The following LANCL1 variants were observed in gnomAD, a reference collection of about 807,000 sequenced individuals.
The protein encoded by LANCL1 is LanC like glutathione S-transferase 1.
A neutral mutation model predicts 50.6 loss-of-function variants in LANCL1; 50 were observed. The ratio of observed to expected loss-of-function variants is 0.99; its 90% confidence interval spans 0.79 to 1.25. The LOEUF is 1.25. LANCL1 is among the 50% of genes most tolerant of loss of function. The pLI, the probability that LANCL1 is intolerant of heterozygous loss-of-function variation, is 0.00. For missense variants in LANCL1, 532 were observed against 480.7 expected (o/e 1.11, Z -1.00); for synonymous variants, 188 against 178.6 (o/e 1.05, Z -0.42).
At chr2:210,473,152 G>A (rs1324722213) in intron 2 of LANCL1, among the ~76,000 whole-genome samples, 3 of 152,162 alleles carry the variant, frequency 2.0e-5, no homozygotes, top group Non-Finnish European at 4.4e-5. Context: ...GAGGTGGGCG[G>A]ATAACCTGAG....
At chr2:210,446,363 A>G (rs1359487481) in intron 4 of LANCL1, among the ~76,000 whole-genome samples, 1 of 152,208 alleles carries the variant, frequency 6.6e-6, no homozygotes, top group Non-Finnish European at 1.5e-5. Context: ...CACCAACGTC[A>G]AAGACCAAAG....
intron 4 of LANCL1, among the ~76,000 whole-genome samples, chr2:210,442,232 G>A (rs1693162694): frequency 1.3e-5 from 2 of 152,056 alleles, no homozygotes; most frequent in South Asian, 4.1e-4. Flanking sequence ...TAGTACAAGA[G>A]GTGTCAGTCA....
intron 4 of LANCL1, among the ~76,000 whole-genome samples, chr2:210,448,906 A>C (rs1693429147): frequency 6.6e-6 from 1 of 152,214 alleles, no homozygotes; most frequent in Non-Finnish European, 1.5e-5. Context: ...ACAGATTCAC[A>C]GCCGAATTCT....
intron 3 of LANCL1, chr2:210,468,076 G>A (rs900830425): frequency 5.3e-5 from 8 of 151,898 alleles, no homozygotes; most frequent in Non-Finnish European, 8.8e-5. Context: ...AGAATCAATC[G>A]CTAGTCCCTT....
intron 2 of LANCL1, among the ~76,000 whole-genome samples, chr2:210,473,512 T>C (rs367888490): frequency 1.4e-3 from 208 of 152,262 alleles, no homozygotes; most frequent in South Asian, 6.2e-3. Flanking sequence ...TGGGGGAAAG[T>C]TACAAGGGTA....
chr2:210,463,279 T>C (rs187070109), intron 3 of LANCL1, among the ~76,000 whole-genome samples: 77 of 152,236 alleles, frequency 5.1e-4, no homozygotes, highest in African/African-American at 1.6e-3. Flanking sequence ...GGCACGATTT[T>C]GGCTCACTGC....
intron 3 of LANCL1, among the ~76,000 whole-genome samples, chr2:210,459,744 A>ACAAACAAG (rs1693788727): frequency 6.6e-6 from 1 of 150,388 alleles, no homozygotes; most frequent in Admixed American, 6.6e-5. Flanking sequence ...TTAAAAACAA[A>ACAAACAAG]CAAACAAACA....
chr2:210,458,011 T>A (rs139603107), intron 3 of LANCL1, among the ~76,000 whole-genome samples: 1 of 152,142 alleles, frequency 6.6e-6, no homozygotes, highest in African/African-American at 2.4e-5. Context: ...TTGGAAAATG[T>A]TCTTGAAGGG....
upstream of LANCL1, among the ~76,000 whole-genome samples, chr2:210,477,228 T>G (rs1055845943): frequency 8.5e-5 from 13 of 152,078 alleles, no homozygotes; most frequent in Non-Finnish European, 1.5e-4. Context: ...GGATATCAAA[T>G]AGCAGTTGAT....
chr2:210,451,017 G>A (rs1693495009), intron 4 of LANCL1, among the ~76,000 whole-genome samples: 1 of 152,138 alleles, frequency 6.6e-6, no homozygotes, highest in African/African-American at 2.4e-5. Flanking sequence ...CTACTACAAA[G>A]ACAAATGCAC....
chr2:210,465,129 C>A (rs10195425), intron 3 of LANCL1, among the ~76,000 whole-genome samples: 19,947 of 152,202 alleles, frequency 0.13, 1,674 homozygotes, highest in African/African-American at 0.22. Flanking sequence ...CCTCCTGTTG[C>A]TGATGTGAAA....
chr2:210,445,817 G>C (rs1178541335), intron 4 of LANCL1, among the ~76,000 whole-genome samples: 1 of 152,220 alleles, frequency 6.6e-6, no homozygotes, highest in Admixed American at 6.5e-5. Context: ...AAACAGGATA[G>C]TTCTGTTCCT....
chr2:210,446,485 A>G (rs949285014), intron 4 of LANCL1, among the ~76,000 whole-genome samples: 6 of 152,122 alleles, frequency 3.9e-5, no homozygotes, highest in African/African-American at 1.4e-4. Flanking sequence ...GCAAGGGAAC[A>G]AAACTGGGTG....
intron 8 of LANCL1, 73 bp from the exon 9 acceptor site, chr2:210,435,532 TA>T: frequency 9.0e-7 from 1 of 1,107,888 alleles, no homozygotes; most frequent in South Asian, 1.2e-5. Flanking sequence ...AGAGGTTGTC[TA>T]TACAAATTAC....
rs1455121745 is a variant in LANCL1 at position 210,466,753 on chromosome 2, A to C, written c.199+5206T>G. ...GCATATGTGACCCTTTCACGGAACA[A>C]ACCAGATAGAGAGAACATCATGAAA... On this transcript the variant is annotated intron_variant, in intron 3 of 9. Coordinates refer to ENST00000450366, the MANE Select transcript of LANCL1 (RefSeq NM_006055.3). Among the ~76,000 whole-genome samples the C allele has an allele frequency of 3.3e-5, 5 of 152,220 alleles. 1 individual carries two copies. Among genetic ancestry groups the C allele is most frequent in the Non-Finnish European group, 5.9e-5 (4 of 68,036 alleles).
chr2:210,440,670 C>T lies in LANCL1; in HGVS notation c.618G>A (p.Met206Ile), dbSNP rs748813502. The T allele has an allele frequency of 1.2e-6, 2 of 1,613,882 alleles. No homozygotes were observed. The highest frequency in any genetic ancestry group is 1.7e-6 in the Non-Finnish European group (2 of 1,179,894). Reference protein sequence around the residue: ...KRNFTAKSPLMYEWYQEYYVG... With the variant: ...KRNFTAKSPLIYEWYQEYYVG... ...CATAATATTCCTGGTACCATTCATACATCAGTGGAGACTTTGCCGTGAAGT... is the reference window on the plus strand; with the variant it reads ...CATAATATTCCTGGTACCATTCATATATCAGTGGAGACTTTGCCGTGAAGT... The change falls in exon 6 of 10, where the codon ATG becomes ATA. Residue 206 changes from methionine to isoleucine, a missense_variant. By Grantham distance (10) the Met-to-Ile change is conservative. Transcript: ENST00000450366.
In LANCL1 at chr2:210,432,372, T is replaced by TG. The variant is rs1465855959; in HGVS notation, c.*2114dup. 2.6e-5 allele frequency: 4 copies of TG among 152,188 alleles called. No individual in the cohort carries two copies. Among genetic ancestry groups the TG allele is most frequent in the African/African-American group, 9.6e-5 (4 of 41,464 alleles). The allele number at this position is 152,188 out of a possible 1,614,324, so 9.4% of individuals were successfully genotyped here. The stretch of plus-strand genomic sequence containing the variant: ...ATGACAGTAGCTAACCCATTTATGC[T>TG]GGGGGTTGCAATTTTTTGTGTGAAA... On this transcript the variant is annotated 3_prime_UTR_variant, in exon 10 of 10. Transcript: ENST00000450366.
intron 4 of LANCL1, among the ~76,000 whole-genome samples, chr2:210,445,304 C>T (rs1574420221): frequency 6.6e-6 from 1 of 152,294 alleles, no homozygotes; most frequent in East Asian, 1.9e-4. Flanking sequence ...TTAGGACATA[C>T]ATTACCACTA....
At chr2:210,466,916 G>A (rs1156638161) in intron 3 of LANCL1, among the ~76,000 whole-genome samples, 3 of 152,004 alleles carry the variant, frequency 2.0e-5, no homozygotes, top group Admixed American at 2.0e-4. Flanking sequence ...ACCAATCAAG[G>A]AGATCATGAG....
Sources: gnomAD v4.1 joint callset for allele counts (sites outside exome capture counted in the v4.1 genomes callset) on GRCh38, gnomAD v4.1.1 for gene constraint, MANE v1.5 for transcripts, NCBI Gene and HGNC (gene_info 2026-07-23, HGNC 2026-07-21) for gene names.